The following ROCK2 variants were observed in gnomAD, a reference collection of about 807,000 sequenced individuals.
ROCK2 encodes Rho associated coiled-coil containing protein kinase 2.
In ROCK2, 61 loss-of-function variants were observed where a neutral mutation model predicts 195.1. That is an observed-to-expected ratio of 0.31 (90% CI 0.25 to 0.39). The LOEUF is 0.39. ROCK2 is among the 10% of genes least tolerant of loss of function. The probability of loss-of-function intolerance (pLI) is 1.00; values close to 1 mark genes in which losing one functional copy is unlikely to be tolerated. For missense variants in ROCK2, 1,109 were observed against 1,637.4 expected (o/e 0.68, Z 5.57); for synonymous variants, 504 against 545.5 (o/e 0.92, Z 1.06).
chr2:11,332,265 T>C (rs1256017481), intron 1 of ROCK2, among the ~76,000 whole-genome samples: 3 of 152,160 alleles, frequency 2.0e-5, no homozygotes, highest in Non-Finnish European at 2.9e-5. Flanking sequence ...TAGTATTAAC[T>C]AGGCCTTTCA....
At chr2:11,258,539 CA>C (rs1295118609) in intron 3 of ROCK2, among the ~76,000 whole-genome samples, 1 of 151,192 alleles carries the variant, frequency 6.6e-6, no homozygotes, top group Non-Finnish European at 1.5e-5. Context: ...TGAATAAGCA[CA>C]AAAGTGTAGA....
chr2:11,320,632 A>C (rs903253761), intron 1 of ROCK2, among the ~76,000 whole-genome samples: 3 of 152,254 alleles, frequency 2.0e-5, no homozygotes, highest in African/African-American at 7.2e-5. Flanking sequence ...AATATCTAGA[A>C]TCTACCCCTT....
chr2:11,331,036 G>GGAGGAGGGAA (rs1668747893), intron 1 of ROCK2, among the ~76,000 whole-genome samples: 1 of 127,258 alleles, frequency 7.9e-6, no homozygotes, highest in African/African-American at 2.9e-5. Flanking sequence ...GGAGGAGGGA[G>GGAGGAGGGAA]GAGGAGGGAG....
Position 11,317,612 on chromosome 2 carries a change from A to ATATT in ROCK2, c.141+26383_141+26384insAATA, listed in dbSNP as rs59701503. Reference sequence around the variant, plus strand: ...TATATATATATATATATATATATATATTTTTTTTTTTTTTTAATTATACTT... The same window carrying ATATT: ...TATATATATATATATATATATATATATATTTTTTTTTTTTTTTTTAATTATACTT... On this transcript the variant is annotated intron_variant, in intron 1 of 32. Coordinates refer to ENST00000315872, the MANE Select transcript of ROCK2 (RefSeq NM_004850.5). 3.0e-3 allele frequency among the ~76,000 whole-genome samples: 57 copies of ATATT among 19,288 alleles called. 1 individual carries two copies. Among genetic ancestry groups the ATATT allele is most frequent in the Admixed American group, 6.2e-3 (7 of 1,134 alleles). 12.7% of individuals were successfully genotyped at this position (19,288 alleles called of 152,430 possible).
intron 5 of ROCK2, among the ~76,000 whole-genome samples, chr2:11,231,772 G>C: frequency 6.6e-6 from 1 of 152,126 alleles, no homozygotes; most frequent in South Asian, 2.1e-4. Flanking sequence ...AATTTAATGA[G>C]ATACTATTAC....
intron 29 of ROCK2, 180 bp from the exon 30 acceptor site, chr2:11,194,037 A>G (rs1663534092): frequency 2.2e-6 from 1 of 453,682 alleles, no homozygotes; most frequent in Admixed American, 4.0e-5. Flanking sequence ...CTATGTCAGA[A>G]ATTTTCTAAT....
rs569115352 is a variant in ROCK2 at position 11,208,510 on chromosome 2, G to A, written c.2204-63C>T. Reference sequence around the variant, plus strand: ...AATAAAAGAAGCATATCATAAATTTGTAAGTAAAAGCACATTAAATGACAC... The same window carrying A: ...AATAAAAGAAGCATATCATAAATTTATAAGTAAAAGCACATTAAATGACAC... On this transcript the variant is annotated intron_variant, in intron 18 of 32. Transcript: ENST00000315872. 15 of 962,628 alleles carry A rather than the reference G, an allele frequency of 1.6e-5. No individual in the cohort carries two copies. The East Asian group carries it at 3.7e-4, about 24-fold the overall frequency. 59.6% of individuals were successfully genotyped at this position (962,628 alleles called of 1,614,324 possible). A position where few individuals can be genotyped will look rare whatever the true frequency, so the allele number is the denominator to read the frequency against.
At chr2:11,234,289 C>A (rs1232677484) in intron 5 of ROCK2, 1 of 152,076 alleles carries the variant, frequency 6.6e-6, no homozygotes, top group African/African-American at 2.4e-5. Context: ...CTTAACCACC[C>A]TTATCTTCCC....
chr2:11,218,823 T>A (rs1251620811), intron 10 of ROCK2, 143 bp downstream of exon 10: 1 of 529,556 alleles, frequency 1.9e-6, no homozygotes, highest in Non-Finnish European at 3.4e-6. Flanking sequence ...ATCATTGCAA[T>A]GCTATGTTAA....
chr2:11,196,589 G>C (rs1264257038), intron 27 of ROCK2, among the ~76,000 whole-genome samples: 1 of 152,178 alleles, frequency 6.6e-6, no homozygotes, highest in Non-Finnish European at 1.5e-5. Flanking sequence ...ATTAGAGTTA[G>C]TGGTTATTAG....
chr2:11,344,266 G>C lies in ROCK2; in HGVS notation c.-130C>G, dbSNP rs902416888. ...GGCCCACCGCCTGCCTCTAGCTCCG[G>C]CTTCGGGTCTCCAAGGCGGTCCCCC... On this transcript the variant is annotated 5_prime_UTR_variant, in exon 1 of 33. Coordinates refer to ENST00000315872, the MANE Select transcript of ROCK2 (RefSeq NM_004850.5). This position sits in a 1 kb window ranked among gnomAD's most constrained non-coding sequence, Gnocchi z 5.4. 1 of 1,285,230 alleles carries C rather than the reference G, an allele frequency of 7.8e-7. No homozygotes were observed. Among genetic ancestry groups the C allele is most frequent in the African/African-American group, 1.6e-5 (1 of 64,256 alleles). 79.6% of individuals were successfully genotyped at this position (1,285,230 alleles called of 1,614,324 possible).
At chr2:11,212,456 A>G (rs192816313) in intron 17 of ROCK2, among the ~76,000 whole-genome samples, 1 of 152,102 alleles carries the variant, frequency 6.6e-6, no homozygotes, top group East Asian at 1.9e-4. Context: ...ATTTGAACTC[A>G]CTGCCCCCCT....
chr2:11,268,737 C>T (rs1454112832), intron 3 of ROCK2, among the ~76,000 whole-genome samples: 1 of 152,034 alleles, frequency 6.6e-6, no homozygotes, highest in African/African-American at 2.4e-5. Context: ...CAAGTGTGAC[C>T]GTAAGATTTC....
At chr2:11,338,036 A>G (rs1305059984) in intron 1 of ROCK2, among the ~76,000 whole-genome samples, 2 of 152,188 alleles carry the variant, frequency 1.3e-5, no homozygotes, top group Non-Finnish European at 2.9e-5. Context: ...GAAAACTTTC[A>G]TAACAACTGT....
chr2:11,215,359 G>T lies in ROCK2; in HGVS notation c.1651C>A (p.Gln551Lys). 1 of 1,607,400 alleles carries T rather than the reference G, an allele frequency of 6.2e-7. No homozygotes were observed. Among genetic ancestry groups the T allele is most frequent in the South Asian group, 1.1e-5 (1 of 89,646 alleles). The change falls in exon 15 of 33, where the codon CAA (glutamine) becomes AAA (lysine). Residue 551 changes from glutamine to lysine, a missense_variant. Transcript: ENST00000315872. ...EDLKKRNQNS[Q>K]ISTEKVNQLQ... ...TGATTCACTTTCTCAGTGGATATTT[G>T]AGAGTTTTGATTTCTTTTTTTCAAA...
In ROCK2 at chr2:11,181,733, A is replaced by T. The variant is rs1475795656; in HGVS notation, c.*1704T>A. On this transcript the variant is annotated 3_prime_UTR_variant, in exon 33 of 33. Coordinates refer to ENST00000315872, the MANE Select transcript of ROCK2 (RefSeq NM_004850.5). ...ACTGCAACCACCGTCTCCTGGGTTC[A>T]AGCGATTCTCCTGTCTCAGCCTCCC... is the stretch of plus-strand genomic sequence containing the variant. The T allele has an allele frequency of 6.7e-6, 1 of 148,844 alleles. No homozygotes were observed. The highest frequency in any genetic ancestry group is 2.5e-5 in the African/African-American group (1 of 40,290). 9.2% of individuals were successfully genotyped at this position (148,844 alleles called of 1,614,324 possible).
intron 3 of ROCK2, among the ~76,000 whole-genome samples, chr2:11,255,216 CAA>C (rs70953375): frequency 0.27 from 29,723 of 108,716 alleles, 3,526 homozygotes; most frequent in East Asian, 0.49. Context: ...GACCCCATCT[CAA>C]AAAAAAAAAA....
At position 11,344,080 on chromosome 2, in the gene ROCK2, C is replaced by G; in HGVS notation, c.57G>C (p.Gly19=). Residue 19 remains glycine (G), a synonymous_variant, in exon 1 of 33, where the codon GGG becomes GGC. Coordinates refer to ENST00000315872, the MANE Select transcript of ROCK2 (RefSeq NM_004850.5). This position sits in a 1 kb window ranked among gnomAD's most constrained non-coding sequence, Gnocchi z 5.4. ...KMPGAPETAP[G]DGAGASRQRK... ...TCTGGCGGCTCGCGCCTGCCCCGTCCCCCGGCGCGGTCTCGGGGGCGCCGG... is the reference window on the plus strand; with the variant it reads ...TCTGGCGGCTCGCGCCTGCCCCGTCGCCCGGCGCGGTCTCGGGGGCGCCGG... The G allele has an allele frequency of 6.5e-7, 1 of 1,547,722 alleles. No individual in the cohort carries two copies.
chr2:11,288,754 G>A (rs1473500292), intron 1 of ROCK2, among the ~76,000 whole-genome samples: 1 of 152,000 alleles, frequency 6.6e-6, no homozygotes, highest in Non-Finnish European at 1.5e-5. Flanking sequence ...GGGAAAACAT[G>A]GGGAAAATTA....
Sources: allele counts gnomAD v4.1 joint callset (sites outside exome capture counted in the v4.1 genomes callset), GRCh38; gene constraint gnomAD v4.1.1; non-coding constraint Gnocchi (gnomAD v3.1); transcripts MANE v1.5; gene names NCBI Gene and HGNC (gene_info 2026-07-23, HGNC 2026-07-21).